The following NTM variants were observed in gnomAD, a reference collection of about 807,000 sequenced individuals.
NTM encodes neurotrimin.
NTM carries 13 observed loss-of-function variants against 42.1 expected under a neutral mutation model. That is an observed-to-expected ratio of 0.31 (90% CI 0.20 to 0.49). The LOEUF is 0.49. Ranked by LOEUF, NTM falls within the 20% of genes least tolerant of loss-of-function variation. The pLI, the probability that NTM is intolerant of heterozygous loss-of-function variation, is 0.99. For synonymous variants in NTM, 187 were observed against 179.2 expected, an observed-to-expected ratio of 1.04 and a Z score of -0.35; for missense variants, 373 against 452.8, an observed-to-expected ratio of 0.82 and a Z score of 1.60.
intron 1 of NTM, among the ~76,000 whole-genome samples, chr11:131,910,555 T>C (rs2054629635): frequency 1.3e-5 from 2 of 151,160 alleles, no homozygotes; most frequent in African/African-American, 4.8e-5. Flanking sequence ...CGGGAGAAAG[T>C]GGCGGTCAGG....
chr11:131,770,796 G>A (rs1366893043), intron 1 of NTM: 1 of 152,116 alleles, frequency 6.6e-6, no homozygotes, highest in Admixed American at 6.6e-5. Flanking sequence ...ATCACCACCA[G>A]CTTCCTCACT....
chr11:131,561,641 C>T (rs142785359), intron 1 of NTM, among the ~76,000 whole-genome samples: 3 of 152,286 alleles, frequency 2.0e-5, no homozygotes, highest in Non-Finnish European at 2.9e-5. Flanking sequence ...CTTCAGTCTC[C>T]GCTGGGGGAC....
At chr11:132,292,787 T>TAAAAAAAAAAAAAAAAAAAA (rs61603794) in intron 4 of NTM, among the ~76,000 whole-genome samples, 11 of 56,572 alleles carry the variant, frequency 1.9e-4, no homozygotes, top group African/African-American at 2.5e-4. Flanking sequence ...GATGTAAAAG[T>TAAAAAAAAAAAAAAAAAAAA]AAAAAAAAAA....
Position 131,789,349 on chromosome 11 carries a change from A to AAAT in NTM, c.83-122197_83-122195dup, listed in dbSNP as rs144547552. On this transcript the variant is annotated intron_variant, in intron 1 of 8. Coordinates refer to ENST00000683400, the MANE Select transcript of NTM (RefSeq NM_001352005.2). Reference sequence around the variant, plus strand: ...GCTGAAGATGACAAAGTGAATTTAAAAATAATAATAATAATAATAAAGAAG... The same window carrying AAAT: ...GCTGAAGATGACAAAGTGAATTTAAAAATAATAATAATAATAATAATAAAGAAG... Among the ~76,000 whole-genome samples, 125 of 112,858 alleles carry AAAT rather than the reference A, an allele frequency of 1.1e-3. 1 individual carries two copies. The highest frequency in any genetic ancestry group is 3.9e-3 in the African/African-American group (107 of 27,518). 74.0% of individuals were successfully genotyped at this position (112,858 alleles called of 152,430 possible). A position where few individuals can be genotyped will look rare whatever the true frequency, so the allele number is the denominator to read the frequency against.
At chr11:131,962,059 G>C (rs538768277) in intron 2 of NTM, among the ~76,000 whole-genome samples, 1 of 152,062 alleles carries the variant, frequency 6.6e-6, no homozygotes, top group South Asian at 2.1e-4. Flanking sequence ...GGCCTAGGTG[G>C]TTTGTGGGTG....
intron 2 of NTM, among the ~76,000 whole-genome samples, chr11:131,927,367 A>G (rs1350969661): frequency 6.6e-6 from 1 of 152,214 alleles, no homozygotes; most frequent in Non-Finnish European, 1.5e-5. Context: ...GCTGGGCTCC[A>G]AGCACCACAC....
chr11:132,062,196 A>T (rs1183880315), intron 2 of NTM, among the ~76,000 whole-genome samples: 1 of 152,152 alleles, frequency 6.6e-6, no homozygotes, highest in Non-Finnish European at 1.5e-5. Flanking sequence ...GTAACAGTAA[A>T]CCTGCCTCAA....
At chr11:131,919,800 A>C (rs2056960993) in intron 2 of NTM, among the ~76,000 whole-genome samples, 1 of 152,124 alleles carries the variant, frequency 6.6e-6, no homozygotes, top group Non-Finnish European at 1.5e-5. Context: ...CACATATACC[A>C]ATTTTCATTA....
At chr11:131,791,635 T>C (rs2090955343) in intron 1 of NTM, among the ~76,000 whole-genome samples, 1 of 152,220 alleles carries the variant, frequency 6.6e-6, no homozygotes, top group African/African-American at 2.4e-5. Context: ...AGAAGACTTT[T>C]GCAAGGACAG....
chr11:132,213,174 G>T (rs1212008708), intron 4 of NTM, among the ~76,000 whole-genome samples: 1 of 152,184 alleles, frequency 6.6e-6, no homozygotes, highest in East Asian at 1.9e-4. Flanking sequence ...GTGCCGGTGT[G>T]CACAGATGGA....
intron 2 of NTM, among the ~76,000 whole-genome samples, chr11:131,968,275 G>A (rs1005890542): frequency 6.6e-6 from 1 of 152,146 alleles, no homozygotes; most frequent in African/African-American, 2.4e-5. Context: ...ACCAATTTGT[G>A]AGCGGAGGTC....
intron 1 of NTM, among the ~76,000 whole-genome samples, chr11:131,651,773 G>A (rs552366458): frequency 6.9e-4 from 105 of 152,196 alleles, no homozygotes; most frequent in Non-Finnish European, 7.6e-4. Flanking sequence ...CGCAGGAGGC[G>A]GAGGCTGCAG....
chr11:131,479,680 G>A (rs1052403243), intron 1 of NTM, among the ~76,000 whole-genome samples: 9 of 152,134 alleles, frequency 5.9e-5, no homozygotes, highest in Non-Finnish European at 1.2e-4. Flanking sequence ...TTGAATTAAT[G>A]TAAGAAAGGG....
At chr11:132,314,344 G>A (rs1369707140) in intron 6 of NTM, among the ~76,000 whole-genome samples, 3 of 152,196 alleles carry the variant, frequency 2.0e-5, no homozygotes, top group Non-Finnish European at 4.4e-5. Flanking sequence ...GTGCCCCTGG[G>A]CACATGTGTG....
chr11:132,232,403 C>T (rs765925036), intron 4 of NTM, among the ~76,000 whole-genome samples: 5 of 152,146 alleles, frequency 3.3e-5, no homozygotes, highest in South Asian at 2.1e-4. Context: ...TGGGACAGGA[C>T]GAGTCGCCCA....
chr11:131,829,524 C>A (rs1436152134), intron 1 of NTM, among the ~76,000 whole-genome samples: 1 of 152,134 alleles, frequency 6.6e-6, no homozygotes, highest in Non-Finnish European at 1.5e-5. Flanking sequence ...TAATTTCATT[C>A]TTTCCTATGG....
chr11:132,050,913 C>A (rs930955205), intron 2 of NTM, among the ~76,000 whole-genome samples: 1 of 152,200 alleles, frequency 6.6e-6, no homozygotes, highest in Admixed American at 6.5e-5. Flanking sequence ...TCTTCTTCTG[C>A]ATAACTATGC....
intron 1 of NTM, among the ~76,000 whole-genome samples, chr11:131,425,431 A>C (rs1178016000): frequency 1.3e-5 from 2 of 152,218 alleles, no homozygotes; most frequent in African/African-American, 4.8e-5. Context: ...TAAAGCAAAT[A>C]ATATACACAT....
chr11:131,476,212 A>G (rs1952923427), intron 1 of NTM, among the ~76,000 whole-genome samples: 1 of 152,250 alleles, frequency 6.6e-6, no homozygotes, highest in South Asian at 2.1e-4. Context: ...TAGAAAATTC[A>G]TAATCCATTC....
Sources: allele counts gnomAD v4.1 joint callset (sites outside exome capture counted in the v4.1 genomes callset), GRCh38; gene constraint gnomAD v4.1.1; transcripts MANE v1.5; gene names NCBI Gene and HGNC (gene_info 2026-07-23, HGNC 2026-07-21).